BNC2: variants seen among roughly 807,000 people sequenced by gnomAD.
BNC2 encodes zinc finger protein basonuclin-2.
Under a neutral mutation model 76.3 loss-of-function variants are expected in BNC2, and 20 were observed. The ratio of observed to expected loss-of-function variants is 0.26; its 90% CI spans 0.18 to 0.38. BNC2 has a LOEUF of 0.38. Among genes scored for constraint, BNC2 ranks in the 10% least tolerant of loss-of-function variants. The pLI is 1.00. For synonymous variants in BNC2, 582 were observed against 514.8 expected, an observed-to-expected ratio of 1.13 and a Z score of -1.77; for missense variants, 1,382 against 1,399.8, an observed-to-expected ratio of 0.99 and a Z score of 0.20.
intron 1 of BNC2, among the ~76,000 whole-genome samples, chr9:16,801,260 A>G (rs1438533168): frequency 6.6e-6 from 1 of 152,004 alleles, no homozygotes; most frequent in Non-Finnish European, 1.5e-5. Flanking sequence ...ATTTTTATTT[A>G]TTTTGAGACA....
At chr9:16,528,510 A>G (rs984604967) in intron 5 of BNC2, among the ~76,000 whole-genome samples, 5 of 152,212 alleles carry the variant, frequency 3.3e-5, no homozygotes, top group Admixed American at 6.5e-5. Flanking sequence ...ATAGTTATCT[A>G]CTTTGTTTAT....
intron 4 of BNC2, among the ~76,000 whole-genome samples, chr9:16,568,175 G>C (rs1250529183): frequency 6.6e-6 from 1 of 152,010 alleles, no homozygotes; most frequent in Admixed American, 6.6e-5. Flanking sequence ...TAGGAGCTCT[G>C]GATCCTAGAC....
At chr9:16,480,451 C>T (rs1344545933) in intron 5 of BNC2, among the ~76,000 whole-genome samples, 1 of 152,210 alleles carries the variant, frequency 6.6e-6, no homozygotes, top group Non-Finnish European at 1.5e-5. Flanking sequence ...TGTGGGAGCC[C>T]CTTTCTGGGC....
intron 1 of BNC2, among the ~76,000 whole-genome samples, chr9:16,765,880 G>A (rs532341085): frequency 9.9e-5 from 15 of 151,446 alleles, no homozygotes; most frequent in Admixed American, 7.9e-4. Context: ...TCTGCCTCCC[G>A]GGTTCACGCC....
chr9:16,704,439 T>C (rs1027319299), intron 3 of BNC2, among the ~76,000 whole-genome samples: 2 of 151,978 alleles, frequency 1.3e-5, no homozygotes, highest in African/African-American at 4.8e-5. Flanking sequence ...CTTTATAAGA[T>C]CCACAGCCCA....
At chr9:16,617,179 C>A (rs1820729786) in intron 3 of BNC2, among the ~76,000 whole-genome samples, 1 of 152,120 alleles carries the variant, frequency 6.6e-6, no homozygotes, top group African/African-American at 2.4e-5. Context: ...TCCACTTTAA[C>A]CGTGGCCCTG....
intron 3 of BNC2, among the ~76,000 whole-genome samples, chr9:16,665,709 T>A (rs1194109257): frequency 6.6e-6 from 1 of 152,196 alleles, no homozygotes; most frequent in Non-Finnish European, 1.5e-5. Context: ...GAACAAAATT[T>A]ATTTCCTCTG....
intron 1 of BNC2, among the ~76,000 whole-genome samples, chr9:16,856,154 C>A (rs1051586847): frequency 6.6e-6 from 1 of 152,010 alleles, no homozygotes; most frequent in Admixed American, 6.6e-5. Context: ...CCCTTCCCCT[C>A]CAAAAAAATT....
intron 1 of BNC2, among the ~76,000 whole-genome samples, chr9:16,761,640 G>A (rs1234254161): frequency 1.3e-5 from 2 of 152,172 alleles, no homozygotes; most frequent in Non-Finnish European, 2.9e-5. Flanking sequence ...CAGGATTCTA[G>A]TTATGGAAGC....
chr9:16,697,764 A>C (rs929471051), intron 3 of BNC2, among the ~76,000 whole-genome samples: 13 of 152,066 alleles, frequency 8.5e-5, no homozygotes, highest in South Asian at 2.1e-4. Flanking sequence ...ATATACTGGT[A>C]TATATAACCT....
intron 3 of BNC2, among the ~76,000 whole-genome samples, chr9:16,675,512 G>A (rs557958114): frequency 6.6e-6 from 1 of 152,158 alleles, no homozygotes; most frequent in African/African-American, 2.4e-5. Context: ...GGCCCACCTC[G>A]CCCACCTTCC....
intron 1 of BNC2, among the ~76,000 whole-genome samples, chr9:16,769,915 A>G (rs1275091965): frequency 6.6e-6 from 1 of 152,152 alleles, no homozygotes; most frequent in Non-Finnish European, 1.5e-5. Context: ...GTGCTCCAGG[A>G]TAAGTGGAGC....
intron 3 of BNC2, among the ~76,000 whole-genome samples, chr9:16,599,129 G>C (rs1820173723): frequency 6.6e-6 from 1 of 152,152 alleles, no homozygotes; most frequent in African/African-American, 2.4e-5. Flanking sequence ...CAAAGACAAT[G>C]CTAGAAATTA....
At chr9:16,440,425 G>C (rs1272101252) in intron 5 of BNC2, among the ~76,000 whole-genome samples, 1 of 151,660 alleles carries the variant, frequency 6.6e-6, no homozygotes, top group Non-Finnish European at 1.5e-5. Flanking sequence ...CTACTCTCTT[G>C]AGTGTTCTTT....
chr9:16,769,136 A>C (rs1052898355), intron 1 of BNC2, among the ~76,000 whole-genome samples: 2 of 152,232 alleles, frequency 1.3e-5, no homozygotes, highest in African/African-American at 4.8e-5. Context: ...GCTGCAGCTT[A>C]AACTTGAAGT....
chr9:16,426,532 G>A (rs1820807176), intron 6 of BNC2, among the ~76,000 whole-genome samples: 1 of 152,150 alleles, frequency 6.6e-6, no homozygotes, highest in African/African-American at 2.4e-5. Context: ...CAAGGGAGGT[G>A]ACACTATTTT....
chr9:16,718,841 C>T (rs1207217963), intron 3 of BNC2, among the ~76,000 whole-genome samples: 4 of 152,124 alleles, frequency 2.6e-5, no homozygotes, highest in Non-Finnish European at 5.9e-5. Flanking sequence ...AATTAAGTCA[C>T]CTAATTGTCA....
intron 1 of BNC2, among the ~76,000 whole-genome samples, chr9:16,751,701 T>TATGTATGTGTGTGTGTAC (rs1825216320): frequency 6.7e-6 from 1 of 149,412 alleles, no homozygotes; most frequent in Non-Finnish European, 1.5e-5. Context: ...TGTATATATA[T>TATGTATGTGTGTGTGTAC]ATATATGTAT....
At chr9:16,851,766 CA>C (rs1399739517) in intron 1 of BNC2, among the ~76,000 whole-genome samples, 1 of 152,046 alleles carries the variant, frequency 6.6e-6, no homozygotes, top group Admixed American at 6.6e-5. Flanking sequence ...AAAAGTTATT[CA>C]AAGATTAATC....
Sources: allele counts gnomAD v4.1 joint callset (sites outside exome capture counted in the v4.1 genomes callset), GRCh38; gene constraint gnomAD v4.1.1; transcripts MANE v1.5; gene names NCBI Gene and HGNC (gene_info 2026-07-23, HGNC 2026-07-21).